The following CDH18 variants were observed in gnomAD, a reference collection of about 807,000 sequenced individuals.
The protein encoded by CDH18 is cadherin 18, also known as cadherin-18.
CDH18 carries 31 observed loss-of-function variants against 67.9 expected under a neutral mutation model. The ratio of observed to expected loss-of-function variants is 0.46; its 90% CI spans 0.34 to 0.62. The LOEUF is 0.62. CDH18 is among the 20% of genes least tolerant of loss of function. The pLI, the probability that CDH18 is intolerant of heterozygous loss-of-function variation, is 0.01. For synonymous variants in CDH18, 362 were observed against 347.2 expected, an observed-to-expected ratio of 1.04 and a Z score of -0.48; for missense variants, 890 against 975.5, an observed-to-expected ratio of 0.91 and a Z score of 1.17.
chr5:19,927,564 T>C (rs1793228761), intron 2 of CDH18, among the ~76,000 whole-genome samples: 1 of 152,152 alleles, frequency 6.6e-6, no homozygotes, highest in Non-Finnish European at 1.5e-5. Flanking sequence ...TGTATGATTC[T>C]GAAATAAAGT....
At chr5:19,755,431 GTA>G (rs1256145011) in intron 3 of CDH18, among the ~76,000 whole-genome samples, 16 of 77,342 alleles carry the variant, frequency 2.1e-4, no homozygotes, top group East Asian at 7.7e-4. Flanking sequence ...AACAGGGTAT[GTA>G]TATATATATA....
chr5:20,502,871 C>T (rs984729591), intron 1 of CDH18, among the ~76,000 whole-genome samples: 1 of 152,022 alleles, frequency 6.6e-6, no homozygotes, highest in Non-Finnish European at 1.5e-5. Flanking sequence ...AAGTTCAGAA[C>T]CTTAAGTGAT....
At chr5:20,251,321 C>T (rs150525638) in intron 2 of CDH18, among the ~76,000 whole-genome samples, 3 of 152,134 alleles carry the variant, frequency 2.0e-5, no homozygotes, top group East Asian at 1.9e-4. Context: ...ACAAAACACA[C>T]CCACCCACTG....
At chr5:19,523,096 C>A (rs1165603118) in intron 9 of CDH18, among the ~76,000 whole-genome samples, 2 of 151,820 alleles carry the variant, frequency 1.3e-5, no homozygotes, top group Non-Finnish European at 2.9e-5. Flanking sequence ...ACGGGTTAAT[C>A]AATAAATAGT....
At chr5:19,677,366 TC>T (rs2150370646) in intron 5 of CDH18, among the ~76,000 whole-genome samples, 2 of 152,184 alleles carry the variant, frequency 1.3e-5, no homozygotes, top group African/African-American at 4.8e-5. Flanking sequence ...CTAACGGAAT[TC>T]ATTACCACCA....
At chr5:20,320,478 T>G (rs147000662) in intron 1 of CDH18, among the ~76,000 whole-genome samples, 111 of 152,324 alleles carry the variant, frequency 7.3e-4, no homozygotes, top group South Asian at 1.7e-3. Flanking sequence ...CTCAACCTAA[T>G]TTTTTGTTTG....
intron 9 of CDH18, among the ~76,000 whole-genome samples, chr5:19,525,960 T>C (rs1168689043): frequency 6.6e-6 from 1 of 152,130 alleles, no homozygotes; most frequent in Non-Finnish European, 1.5e-5. Flanking sequence ...TAGAAAACAA[T>C]TTTCATATTC....
At chr5:20,095,460 G>GAA (rs1276271990) in intron 2 of CDH18, among the ~76,000 whole-genome samples, 3 of 98,286 alleles carry the variant, frequency 3.1e-5, no homozygotes, top group African/African-American at 7.9e-5. Flanking sequence ...AAGAAAGAAA[G>GAA]AAGAAAGAAG....
intron 1 of CDH18, among the ~76,000 whole-genome samples, chr5:20,324,143 AT>A (rs1738310270): frequency 6.6e-6 from 1 of 152,186 alleles, no homozygotes; most frequent in Non-Finnish European, 1.5e-5. Context: ...CCACCACTCA[AT>A]GTGTAACACA....
chr5:20,213,192 C>G (rs1740489996), intron 2 of CDH18, among the ~76,000 whole-genome samples: 1 of 152,064 alleles, frequency 6.6e-6, no homozygotes, highest in Admixed American at 6.6e-5. Flanking sequence ...TGTTGTATCT[C>G]AGAGAATAGG....
intron 2 of CDH18, among the ~76,000 whole-genome samples, chr5:20,196,226 A>G (rs997666038): frequency 3.9e-5 from 6 of 152,148 alleles, no homozygotes; most frequent in African/African-American, 1.4e-4. Context: ...CCCAGAATAT[A>G]TTGTCATAAT....
rs1313293592 is a variant in CDH18 at position 19,961,192 on chromosome 5, T to C, written c.-257+19868A>G. Reference sequence around the variant, plus strand: ...ATCTAGGCTCACTGCAACCTCCGCCTCCTGGGTTCATGAGATTCTCCTGCC... The same window carrying C: ...ATCTAGGCTCACTGCAACCTCCGCCCCCTGGGTTCATGAGATTCTCCTGCC... On this transcript the variant is annotated intron_variant, in intron 2 of 12. Coordinates refer to ENST00000382275, the MANE Select transcript of CDH18 (RefSeq NM_004934.5). Among the ~76,000 whole-genome samples, 7 of 148,290 alleles carry C rather than the reference T, an allele frequency of 4.7e-5. No homozygotes were observed. In the Admixed American group the frequency reaches 4.8e-4, roughly 10 times the overall value.
rs912193803 is a variant in CDH18, at chr5:20,488,247, CTGTAAT to C, written c.-580+87209_-580+87214del. Among the ~76,000 whole-genome samples the C allele has an allele frequency of 1.8e-4, 27 of 152,080 alleles. 1 individual carries two copies. The highest frequency in any genetic ancestry group is 5.8e-4 in the East Asian group (3 of 5,176). ...TATGCATCACTTGTAATTTTGCAGCCTGTAATTGTATTTCACCTAGGTCCATACATA... is the reference window on the plus strand; with the variant it reads ...TATGCATCACTTGTAATTTTGCAGCCTGTATTTCACCTAGGTCCATACATA... On this transcript the variant is annotated intron_variant, in intron 1 of 14. Transcript: ENST00000507958.
At position 20,160,194 on chromosome 5, in the gene CDH18, T is replaced by C. The variant is rs148798532; in HGVS notation, c.-518+95250A>G. ...ATACTCTTCAGTTACATACTAATACTTGGCTATTTCTATAAAAATGACCTG... is the reference window on the plus strand; with the variant it reads ...ATACTCTTCAGTTACATACTAATACCTGGCTATTTCTATAAAAATGACCTG... On this transcript the variant is annotated intron_variant, in intron 2 of 14. Coordinates refer to the CDH18 transcript ENST00000507958. 3.0e-3 allele frequency among the ~76,000 whole-genome samples: 462 copies of C among 152,324 alleles called. 4 individuals are homozygous for C. The highest frequency in any genetic ancestry group is 0.011 in the African/African-American group (441 of 41,578).
At chr5:19,722,508 A>G (rs1447992261) in intron 4 of CDH18, among the ~76,000 whole-genome samples, 1 of 149,430 alleles carries the variant, frequency 6.7e-6, no homozygotes, top group Non-Finnish European at 1.5e-5. Flanking sequence ...ATCTAGTATG[A>G]TCGTGTCTTT....
intron 2 of CDH18, among the ~76,000 whole-genome samples, chr5:19,996,092 A>AATCATT (rs1735992735): frequency 6.6e-6 from 1 of 152,258 alleles, no homozygotes; most frequent in African/African-American, 2.4e-5. Context: ...TCAGAACTTA[A>AATCATT]GGTTGACCAA....
At position 20,545,565 on chromosome 5, in the gene CDH18, T is replaced by C. The variant is rs899395559; in HGVS notation, c.-580+29897A>G. ...GCTGCCAAGGTTGGGTCTGAAGCCA[T>C]AGACCAAGATATACGTTGGCACCCT... On this transcript the variant is annotated intron_variant, in intron 1 of 14. Coordinates refer to the CDH18 transcript ENST00000507958. Among the ~76,000 whole-genome samples the C allele has an allele frequency of 2.0e-5, 3 of 152,148 alleles. No homozygotes were observed. In the South Asian group the frequency reaches 6.2e-4, roughly 32 times the overall value.
chr5:19,683,526 G>A (rs1760636048), intron 5 of CDH18, among the ~76,000 whole-genome samples: 1 of 151,972 alleles, frequency 6.6e-6, no homozygotes, highest in African/African-American at 2.4e-5. Context: ...ACTTTAAGAT[G>A]TTAGATTGTT....
intron 1 of CDH18, among the ~76,000 whole-genome samples, chr5:20,317,734 G>C (rs1737606037): frequency 6.6e-6 from 1 of 152,092 alleles, no homozygotes; most frequent in Admixed American, 6.6e-5. Context: ...TATAAAATAT[G>C]AGATGATTAT....
Sources: allele counts gnomAD v4.1 joint callset (sites outside exome capture counted in the v4.1 genomes callset), GRCh38; gene constraint gnomAD v4.1.1; transcripts MANE v1.5; gene names NCBI Gene and HGNC (gene_info 2026-07-23, HGNC 2026-07-21).